The following MOB3B variants were observed in gnomAD, a reference collection of about 807,000 sequenced individuals.
MOB3B encodes MOB kinase activator-like 2B.
Under a neutral mutation model 18.7 loss-of-function variants are expected in MOB3B, and 7 were observed. The observed-to-expected ratio is 0.37, with a 90% CI of 0.21 to 0.70. The LOEUF (loss-of-function observed/expected upper bound fraction) is 0.70. Ranked by LOEUF, MOB3B falls within the 30% of genes least tolerant of loss-of-function variation. The pLI is 0.52. For synonymous variants in MOB3B, 111 were observed against 99.9 expected (o/e 1.11, Z -0.66); for missense variants, 253 against 281.3 (o/e 0.90, Z 0.72).
chr9:27,453,416 G>C (rs1324125675), intron 2 of MOB3B, among the ~76,000 whole-genome samples: 1 of 152,172 alleles, frequency 6.6e-6, no homozygotes, highest in Non-Finnish European at 1.5e-5. Context: ...CGTTCCCTAA[G>C]CATACTGAAT....
chr9:27,478,810 G>A (rs1326757553), intron 1 of MOB3B, among the ~76,000 whole-genome samples: 2 of 141,306 alleles, frequency 1.4e-5, no homozygotes, highest in Non-Finnish European at 3.0e-5. Context: ...GGATTAAAAA[G>A]ACACACACAC....
chr9:27,514,677 T>A lies in MOB3B; in HGVS notation c.-199+14878A>T, dbSNP rs568772477. On this transcript the variant is annotated intron_variant, in intron 1 of 3. Transcript: ENST00000262244. The stretch of plus-strand genomic sequence containing the variant: ...GAACACCCCTGAGAATGCCAACATG[T>A]GTGACCATGCTTTTCCCCATTTTGG... Among the ~76,000 whole-genome samples, 3 of 152,334 alleles carry A rather than the reference T, an allele frequency of 2.0e-5. No individual in the cohort carries two copies. In the South Asian group the frequency reaches 6.2e-4, roughly 32 times the overall value.
At chr9:27,372,877 T>C (rs1459188264) in intron 2 of MOB3B, among the ~76,000 whole-genome samples, 1 of 152,236 alleles carries the variant, frequency 6.6e-6, no homozygotes, top group East Asian at 1.9e-4. Flanking sequence ...GTAGTGTTCA[T>C]GTGTTAGTTC....
intron 1 of MOB3B, among the ~76,000 whole-genome samples, chr9:27,528,244 A>G (rs1255633787): frequency 2.6e-5 from 4 of 152,166 alleles, no homozygotes; most frequent in Non-Finnish European, 4.4e-5. Context: ...TGTGGACCCC[A>G]GAATCTCAGC....
chr9:27,405,039 C>A (rs992575394), intron 2 of MOB3B, among the ~76,000 whole-genome samples: 1 of 147,840 alleles, frequency 6.8e-6, no homozygotes, highest in African/African-American at 2.5e-5. Context: ...TTTTCATGTA[C>A]CTGTTAGCCA....
intron 3 of MOB3B, among the ~76,000 whole-genome samples, chr9:27,357,144 A>ATATATATATATATATATG (rs1486801059): frequency 1.1e-4 from 9 of 80,970 alleles, no homozygotes; most frequent in African/African-American, 2.9e-4. Flanking sequence ...ATATATATAT[A>ATATATATATATATATATG]TGTGTTTTTT....
intron 2 of MOB3B, among the ~76,000 whole-genome samples, chr9:27,409,378 T>C (rs762066281): frequency 4.6e-5 from 7 of 152,160 alleles, no homozygotes; most frequent in Non-Finnish European, 7.4e-5. Flanking sequence ...ATAACCATGA[T>C]GAGATACCAT....
intron 1 of MOB3B, among the ~76,000 whole-genome samples, chr9:27,522,164 C>T (rs1178255573): frequency 7.0e-6 from 1 of 142,260 alleles, no homozygotes; most frequent in African/African-American, 2.6e-5. Context: ...ATCGCTTGAA[C>T]CCGGGAGGCG....
At chr9:27,408,152 C>A (rs1822014848) in intron 2 of MOB3B, among the ~76,000 whole-genome samples, 1 of 152,164 alleles carries the variant, frequency 6.6e-6, no homozygotes, top group Non-Finnish European at 1.5e-5. Context: ...ATGTGATGAG[C>A]AGAGTAAAAT....
chr9:27,389,438 T>C (rs972489042), intron 2 of MOB3B, among the ~76,000 whole-genome samples: 1 of 152,156 alleles, frequency 6.6e-6, no homozygotes, highest in Non-Finnish European at 1.5e-5. Context: ...CGAGAGCTTC[T>C]CTACTTCAGG....
chr9:27,477,881 G>C (rs139648848), intron 1 of MOB3B, among the ~76,000 whole-genome samples: 23 of 152,300 alleles, frequency 1.5e-4, no homozygotes, highest in Non-Finnish European at 2.6e-4. Flanking sequence ...ATGGCCCAAG[G>C]CTCATGCAAG....
intron 2 of MOB3B, among the ~76,000 whole-genome samples, chr9:27,400,889 G>A (rs905418424): frequency 1.3e-5 from 2 of 152,224 alleles, no homozygotes; most frequent in Non-Finnish European, 1.5e-5. Context: ...GGCTTCTGTG[G>A]AGAAGGCAAA....
At chr9:27,483,125 CTTTTTTT>C (rs71492747) in intron 1 of MOB3B, among the ~76,000 whole-genome samples, 2 of 68,594 alleles carry the variant, frequency 2.9e-5, no homozygotes, top group Non-Finnish European at 5.1e-5. Context: ...ATATACGGTA[CTTTTTTT>C]TTTTTTTTTT....
intron 2 of MOB3B, among the ~76,000 whole-genome samples, chr9:27,408,658 T>C (rs1444320992): frequency 6.6e-6 from 1 of 152,184 alleles, no homozygotes; most frequent in Admixed American, 6.5e-5. Context: ...GTAACCTCAC[T>C]GTGCCTATTC....
At chr9:27,381,474 AC>A (rs1045318937) in intron 2 of MOB3B, among the ~76,000 whole-genome samples, 65 of 151,960 alleles carry the variant, frequency 4.3e-4, no homozygotes, top group African/African-American at 1.5e-3. Context: ...GACCCTGAGA[AC>A]CCTGAGTGGC....
rs13296039 is a variant in MOB3B, at chr9:27,481,522, T to G, written c.-198-25774A>C. 8.0e-5 allele frequency among the ~76,000 whole-genome samples: 11 copies of G among 136,798 alleles called. No individual in the cohort carries two copies. The East Asian group carries it at 8.2e-4, about 10-fold the overall frequency. 89.7% of individuals were successfully genotyped at this position (136,798 alleles called of 152,430 possible). A position where few individuals can be genotyped will look rare whatever the true frequency, so the allele number is the denominator to read the frequency against. On this transcript the variant is annotated intron_variant, in intron 1 of 3. Transcript: ENST00000262244. ...GTTTTTTTTTTTTTGTTTTTTTTGT[T>G]TTTTTTTTTTTTTGAGACGGAGTCT...
At chr9:27,448,275 T>A (rs1368473637) in intron 2 of MOB3B, among the ~76,000 whole-genome samples, 1 of 152,206 alleles carries the variant, frequency 6.6e-6, no homozygotes, top group Non-Finnish European at 1.5e-5. Flanking sequence ...TTATACTACC[T>A]GCCTTACAGG....
At chr9:27,467,509 C>A (rs115219519) in intron 1 of MOB3B, among the ~76,000 whole-genome samples, 3,214 of 152,330 alleles carry the variant, frequency 0.021, 117 homozygotes, top group African/African-American at 0.074. Flanking sequence ...GACCTAAGCA[C>A]ATGACCCTCA....
At chr9:27,513,547 T>C (rs1301392155) in intron 1 of MOB3B, among the ~76,000 whole-genome samples, 2 of 152,146 alleles carry the variant, frequency 1.3e-5, no homozygotes, top group African/African-American at 4.8e-5. Flanking sequence ...AACCTCTCCA[T>C]TCCCTTCACT....
Sources: gnomAD v4.1 joint callset for allele counts (sites outside exome capture counted in the v4.1 genomes callset) on GRCh38, gnomAD v4.1.1 for gene constraint, MANE v1.5 for transcripts, NCBI Gene and HGNC (gene_info 2026-07-23, HGNC 2026-07-21) for gene names.